FBXO4: variants seen among roughly 807,000 people sequenced by gnomAD.
The protein encoded by FBXO4 is F-box only protein 4.
In FBXO4, 36 loss-of-function variants were observed where a neutral mutation model predicts 43.7. That is an observed-to-expected ratio of 0.82 (90% CI 0.63 to 1.09). The LOEUF is 1.09. Among genes scored for constraint, FBXO4 ranks in the 50% least tolerant of loss-of-function variants. The pLI, the probability that FBXO4 is intolerant of heterozygous loss-of-function variation, is 0.00. For missense variants in FBXO4, 435 were observed against 474.1 expected (o/e 0.92, Z 0.77); for synonymous variants, 180 against 165.6 (o/e 1.09, Z -0.67).
chr5:42,024,396 T>A, the FBXO4 span, among the ~76,000 whole-genome samples: 25 of 152,040 alleles, frequency 1.6e-4, 1 homozygote, highest in South Asian at 5.0e-3. Context: ...TACTCTTTTT[T>A]AAAATTTTAT....
At chr5:42,030,253 A>G in the FBXO4 span, among the ~76,000 whole-genome samples, 40 of 152,204 alleles carry the variant, frequency 2.6e-4, no homozygotes, top group Non-Finnish European at 5.6e-4. Flanking sequence ...TGGTACCAAA[A>G]CAGAGATATA....
the FBXO4 span, among the ~76,000 whole-genome samples, chr5:41,964,671 T>A: frequency 6.6e-6 from 1 of 151,538 alleles, no homozygotes; most frequent in Non-Finnish European, 1.5e-5. Context: ...TTTGGCTGCA[T>A]AAATGTCTTC....
the FBXO4 span, among the ~76,000 whole-genome samples, chr5:41,958,355 C>G: frequency 1.3e-5 from 2 of 152,084 alleles, no homozygotes; most frequent in African/African-American, 4.8e-5. Context: ...AGGATGGTCT[C>G]GATCTCCTGA....
chr5:41,955,249 A>G, the FBXO4 span, among the ~76,000 whole-genome samples: 1 of 152,150 alleles, frequency 6.6e-6, no homozygotes, highest in Non-Finnish European at 1.5e-5. Flanking sequence ...TAGAATCTGG[A>G]AAGATATTGG....
chr5:41,981,151 C>T, the FBXO4 span, among the ~76,000 whole-genome samples: 2 of 151,748 alleles, frequency 1.3e-5, no homozygotes, highest in South Asian at 2.1e-4. Flanking sequence ...TTCCTCAATC[C>T]TGTATATATA....
At chr5:42,016,325 A>T in the FBXO4 span, among the ~76,000 whole-genome samples, 2 of 152,154 alleles carry the variant, frequency 1.3e-5, no homozygotes, top group African/African-American at 4.8e-5. Flanking sequence ...TTGTAAAAGG[A>T]GAAAGATGCA....
chr5:42,011,463 C>T, the FBXO4 span, among the ~76,000 whole-genome samples: 1 of 152,132 alleles, frequency 6.6e-6, no homozygotes, highest in African/African-American at 2.4e-5. Context: ...GAATTGGGAG[C>T]CAAATAAATA....
chr5:42,008,773 A>G, the FBXO4 span, among the ~76,000 whole-genome samples: 2 of 152,098 alleles, frequency 1.3e-5, no homozygotes, highest in Non-Finnish European at 2.9e-5. Flanking sequence ...AGTATTTGAC[A>G]CTTTAGATTT....
chr5:41,949,166 C>T, the FBXO4 span, among the ~76,000 whole-genome samples: 1 of 152,140 alleles, frequency 6.6e-6, no homozygotes, highest in African/African-American at 2.4e-5. Flanking sequence ...GACAAGGATG[C>T]CCTCTCTCAC....
the FBXO4 span, among the ~76,000 whole-genome samples, chr5:41,966,760 AG>A: frequency 6.6e-6 from 1 of 152,276 alleles, no homozygotes; most frequent in African/African-American, 2.4e-5. Context: ...TGAACTCAAA[AG>A]GTTTGGTACC....
chr5:41,993,502 T>C, the FBXO4 span, among the ~76,000 whole-genome samples: 1 of 151,846 alleles, frequency 6.6e-6, no homozygotes, highest in African/African-American at 2.4e-5. Context: ...AACTATATAA[T>C]TCAGTGTTAA....
chr5:42,032,469 C>T, the FBXO4 span, among the ~76,000 whole-genome samples: 1 of 152,172 alleles, frequency 6.6e-6, no homozygotes, highest in South Asian at 2.1e-4. Context: ...CCACTCTTCC[C>T]TCCCACTTCC....
the FBXO4 span, among the ~76,000 whole-genome samples, chr5:41,962,260 T>C: frequency 6.6e-6 from 1 of 152,256 alleles, no homozygotes; most frequent in Non-Finnish European, 1.5e-5. Context: ...ATTTGGGACC[T>C]GAGCATCTGA....
At chr5:41,986,793 A>G in the FBXO4 span, among the ~76,000 whole-genome samples, 47 of 152,182 alleles carry the variant, frequency 3.1e-4, no homozygotes, top group African/African-American at 1.1e-3. Flanking sequence ...AGGTTTGTGA[A>G]TCCTCGAAAA....
chr5:41,954,701 A>C, the FBXO4 span, among the ~76,000 whole-genome samples: 1 of 152,172 alleles, frequency 6.6e-6, no homozygotes, highest in Non-Finnish European at 1.5e-5. Flanking sequence ...ACAGGATATT[A>C]CTTTTTATTT....
chr5:41,949,356 C>A, the FBXO4 span, among the ~76,000 whole-genome samples: 1 of 152,200 alleles, frequency 6.6e-6, no homozygotes, highest in Non-Finnish European at 1.5e-5. Context: ...AGCTGATAAG[C>A]AACTTCAGCA....
chr5:41,940,162 T>C (rs1299399200), intron 6 of FBXO4, among the ~76,000 whole-genome samples: 1 of 152,060 alleles, frequency 6.6e-6, no homozygotes, highest in East Asian at 1.9e-4. Flanking sequence ...GGTTGTTTTT[T>C]TTTAGATGCC....
the FBXO4 span, among the ~76,000 whole-genome samples, chr5:42,013,129 ACT>A: frequency 6.6e-6 from 1 of 151,606 alleles, no homozygotes; most frequent in Non-Finnish European, 1.5e-5. Flanking sequence ...ACATGGGGAG[ACT>A]CTATTTCTAC....
intron 5 of FBXO4, 137 bp from the exon 6 acceptor site, chr5:41,939,304 T>G (rs1342291708): frequency 1.4e-6 from 1 of 696,368 alleles, no homozygotes; most frequent in Non-Finnish European, 2.3e-6. Context: ...ATCTGAAGAG[T>G]ACTGTGATTT....
Sources: gnomAD v4.1 joint callset for allele counts (sites outside exome capture counted in the v4.1 genomes callset) on GRCh38, gnomAD v4.1.1 for gene constraint, MANE v1.5 for transcripts, NCBI Gene and HGNC (gene_info 2026-07-23, HGNC 2026-07-21) for gene names.